BPIFB3: variants seen among roughly 807,000 people sequenced by gnomAD.
The protein encoded by BPIFB3 is BPI fold containing family B member 3.
A neutral mutation model predicts 53.1 loss-of-function variants in BPIFB3; 49 were observed. The ratio of observed to expected loss-of-function variants is 0.92; its 90% CI spans 0.73 to 1.17. The LOEUF (loss-of-function observed/expected upper bound fraction) is 1.17, where lower values mean the gene tolerates loss of function less well. Ranked by LOEUF, BPIFB3 falls within the 50% of genes most tolerant of loss-of-function variation. The pLI is 0.00. For missense variants in BPIFB3, 628 were observed against 592.5 expected, an observed-to-expected ratio of 1.06 and a Z score of -0.62; for synonymous variants, 271 against 269.6, an observed-to-expected ratio of 1.01 and a Z score of -0.05.
chr20:33,056,002 T>C (rs1030422160), intron 1 of BPIFB3, among the ~76,000 whole-genome samples: 6 of 152,172 alleles, frequency 3.9e-5, no homozygotes, highest in Admixed American at 2.0e-4. Flanking sequence ...CTGGCCTGCC[T>C]CTACTCTACA....
intron 14 of BPIFB3, 40 bp from the exon 16 acceptor site, chr20:33,073,536 G>A (rs978328106): frequency 6.2e-7 from 1 of 1,612,794 alleles, no homozygotes; most frequent in African/African-American, 1.3e-5. Context: ...GGGCATTGCA[G>A]AGACTCAGGG....
At chr20:33,072,720 C>A in exon 14 of BPIFB3, 1 of 1,612,372 alleles carries the variant, frequency 6.2e-7, no homozygotes, top group East Asian at 2.2e-5. Flanking sequence ...TTCACAGTGG[C>A]CCTGGATGTT....
chr20:33,055,486 C>G (rs751218887), exon 1 of BPIFB3: 19 of 1,613,804 alleles, frequency 1.2e-5, no homozygotes, highest in Non-Finnish European at 1.4e-5. Context: ...CGACTCCATG[C>G]CAGGAGCTGC....
chr20:33,055,573 AG>A, intron 1 of BPIFB3, 26 bp downstream of exon 2: 1 of 1,612,802 alleles, frequency 6.2e-7, no homozygotes. Flanking sequence ...GCAGTCTGTG[AG>A]GGGGCTGCTG....
At chr20:33,071,500 G>A (rs1980891863) in intron 12 of BPIFB3, among the ~76,000 whole-genome samples, 1 of 152,058 alleles carries the variant, frequency 6.6e-6, no homozygotes, top group South Asian at 2.1e-4. Context: ...GAGAGAGAGA[G>A]AAACAGTGAT....
intron 14 of BPIFB3, among the ~76,000 whole-genome samples, 190 bp downstream of exon 15, chr20:33,072,983 C>A (rs751475075): frequency 2.0e-5 from 3 of 152,224 alleles, no homozygotes; most frequent in Non-Finnish European, 2.9e-5. Flanking sequence ...TGCTACTACT[C>A]CTCCATTTCT....
intron 2 of BPIFB3, among the ~76,000 whole-genome samples, chr20:33,056,937 G>A (rs1980234940): frequency 6.6e-6 from 1 of 152,146 alleles, no homozygotes; most frequent in African/African-American, 2.4e-5. Flanking sequence ...TTTGACCTTG[G>A]GGAAGTTGCT....
intron 4 of BPIFB3, among the ~76,000 whole-genome samples, chr20:33,060,430 CAT>C (rs1263210153): frequency 6.6e-6 from 1 of 152,196 alleles, no homozygotes; most frequent in Non-Finnish European, 1.5e-5. Context: ...CCTATCTCCC[CAT>C]TCTGGGCCCC....
chr20:33,072,893 G>C (rs1050819138), intron 14 of BPIFB3, 100 bp downstream of exon 15: 1 of 1,032,090 alleles, frequency 9.7e-7, no homozygotes, highest in African/African-American at 1.6e-5. Context: ...TCATCCTCTT[G>C]TCTGTCCCTG....
At chr20:33,069,864 C>T in intron 10 of BPIFB3, 24 bp from the exon 12 acceptor site, 1 of 1,614,070 alleles carries the variant, frequency 6.2e-7, no homozygotes. Context: ...TTGGGGGTGA[C>T]TTCTGCCTGC....
chr20:33,072,106 A>T, exon 13 of BPIFB3: 2 of 1,614,170 alleles, frequency 1.2e-6, no homozygotes, highest in East Asian at 2.2e-5. Context: ...TGTTGCAGGG[A>T]TCGCGTTTAG....
At chr20:33,068,750 A>C in intron 9 of BPIFB3, 53 bp from the exon 11 acceptor site, 1 of 1,565,730 alleles carries the variant, frequency 6.4e-7, no homozygotes, top group South Asian at 1.2e-5. Flanking sequence ...TTGCTGACTG[A>C]CTGACTGATT....
chr20:33,054,240 C>T (rs1430995984), upstream of BPIFB3, among the ~76,000 whole-genome samples: 4 of 151,972 alleles, frequency 2.6e-5, no homozygotes, highest in African/African-American at 9.7e-5. Flanking sequence ...GCCCATTTTT[C>T]TCCTGGCCAG....
Position 33,064,837 on chromosome 20 carries a change from C to A in BPIFB3, c.916C>A (p.Pro306Thr), listed in dbSNP as rs768724368. The A allele has an allele frequency of 3.1e-6, 5 of 1,612,452 alleles. No individual in the cohort carries two copies. Among genetic ancestry groups the A allele is most frequent in the Admixed American group, 1.7e-5 (1 of 59,992 alleles). ...CGGCGCCCTCGACATGGACATCACC[C>A]CTGAGCTGGTGAGTGTGGTGCCCGG... The change falls in exon 8 of 15, where the codon CCT becomes ACT. Residue 306 changes from proline (P) to threonine (T), a missense_variant. By Grantham distance (38) the Pro-to-Thr change is conservative (BLOSUM62 -1). Transcript: ENST00000375494.
intron 5 of BPIFB3, among the ~76,000 whole-genome samples, 176 bp downstream of exon 6, chr20:33,062,007 G>A (rs931190199): frequency 1.2e-4 from 19 of 152,136 alleles, no homozygotes; most frequent in Non-Finnish European, 2.6e-4. Context: ...TGCTAGTCTG[G>A]GGGTGGATGA....
rs940897581 is a variant in BPIFB3, at chr20:33,062,288, C to T, written c.591+457C>T. ...CTGTCCATGGCCTGCCCCAGAACAT[C>T]CTGGCTTCTGCACTCGAGAGAGCTG... On this transcript the variant is annotated intron_variant, in intron 5 of 14. Coordinates refer to ENST00000375494, the Ensembl canonical transcript of BPIFB3. Among the ~76,000 whole-genome samples the T allele has an allele frequency of 2.4e-4, 36 of 152,302 alleles. 1 individual carries two copies. The highest frequency in any genetic ancestry group is 8.7e-4 in the African/African-American group (36 of 41,544).
chr20:33,059,628 A>G (rs1980361225), intron 3 of BPIFB3, 146 bp downstream of exon 4: 1 of 720,128 alleles, frequency 1.4e-6, no homozygotes, highest in Non-Finnish European at 2.3e-6. Flanking sequence ...GGGACTCCCA[A>G]TCCTACTGTT....
chr20:33,062,003 T>G (rs1980480728), intron 5 of BPIFB3, among the ~76,000 whole-genome samples, 172 bp downstream of exon 6: 1 of 152,160 alleles, frequency 6.6e-6, no homozygotes, highest in Admixed American at 6.5e-5. Context: ...CGCCTGCTAG[T>G]CTGGGGGTGG....
At chr20:33,069,798 T>C (rs1980810231) in intron 10 of BPIFB3, 90 bp from the exon 12 acceptor site, 22 of 1,268,860 alleles carry the variant, frequency 1.7e-5, no homozygotes, top group Non-Finnish European at 3.5e-6. Flanking sequence ...TCAGTAAGGG[T>C]TAGTGGACGG....
Sources: allele counts gnomAD v4.1 joint callset (sites outside exome capture counted in the v4.1 genomes callset), GRCh38; gene constraint gnomAD v4.1.1; transcripts MANE v1.5; gene names NCBI Gene and HGNC (gene_info 2026-07-23, HGNC 2026-07-21).